Variants in SDE2 observed in about 807,000 individuals in gnomAD.
SDE2 encodes splicing regulator SDE2.
A neutral mutation model predicts 46.9 loss-of-function variants in SDE2; 31 were observed. That is an observed-to-expected ratio of 0.66 (90% CI 0.50 to 0.89). SDE2 has a LOEUF of 0.89. Ranked by LOEUF, SDE2 falls within the 40% of genes least tolerant of loss-of-function variation. The probability of loss-of-function intolerance (pLI) is 0.00; values close to 1 mark genes in which losing one functional copy is unlikely to be tolerated. For synonymous variants in SDE2, 205 were observed against 204.3 expected, an observed-to-expected ratio of 1.00 and a Z score of -0.03; for missense variants, 542 against 564.4, an observed-to-expected ratio of 0.96 and a Z score of 0.40.
Position 225,999,268 on chromosome 1 carries a change from G to A in SDE2, c.45C>T (p.Phe15=). 2 of 1,612,740 alleles carry A rather than the reference G, an allele frequency of 1.2e-6. No individual in the cohort carries two copies. Among genetic ancestry groups the A allele is most frequent in the Non-Finnish European group, 1.7e-6 (2 of 1,179,614 alleles). Residue 15 remains phenylalanine (F), a synonymous_variant, in exon 1 of 7, where the codon TTC becomes TTT. Coordinates refer to ENST00000272091, the MANE Select transcript of SDE2 (RefSeq NM_152608.4). ...AGGCACACCGCACCGCCTTGCACCCGAAGCCAGGGCCGCGAATCCACACCA... is the reference window on the plus strand; with the variant it reads ...AGGCACACCGCACCGCCTTGCACCCAAAGCCAGGGCCGCGAATCCACACCA... The part of the protein sequence containing the change: ...AALVWIRGPG[F]GCKAVRCASG...
intron 5 of SDE2, 105 bp from the exon 6 acceptor site, chr1:225,988,493 G>T: frequency 1.9e-6 from 2 of 1,080,910 alleles, no homozygotes; most frequent in Non-Finnish European, 2.7e-6. Flanking sequence ...GACTTTGGGA[G>T]GCCAAGGCAG....
intron 1 of SDE2, among the ~76,000 whole-genome samples, chr1:225,997,866 C>G (rs1046544272): frequency 1.3e-5 from 2 of 152,138 alleles, no homozygotes; most frequent in Admixed American, 1.3e-4. Context: ...AGGAGTGGCT[C>G]AAGCCTGTAA....
At position 225,984,214 on chromosome 1, in the gene SDE2, T is replaced by A. The variant is rs1307838286; in HGVS notation, c.*1088A>T. 1 of 151,166 alleles carries A rather than the reference T, an allele frequency of 6.6e-6. No homozygotes were observed. The highest frequency in any genetic ancestry group is 1.5e-5 in the Non-Finnish European group (1 of 67,848). The allele number at this position is 151,166 out of a possible 1,614,324, so 9.4% of individuals were successfully genotyped here. ...GTGAGCTGAGATCGTACCATTGCAC[T>A]CTAGCCTGGGCAACAAAAGCGAAAT... On this transcript the variant is annotated 3_prime_UTR_variant, in exon 7 of 7. Coordinates refer to ENST00000272091, the MANE Select transcript of SDE2 (RefSeq NM_152608.4).
intron 2 of SDE2, among the ~76,000 whole-genome samples, chr1:225,994,233 C>T (rs1656469103): frequency 6.6e-6 from 1 of 152,174 alleles, no homozygotes; most frequent in Non-Finnish European, 1.5e-5. Context: ...CCTAACACCA[C>T]ACCTGGCTAA....
chr1:225,988,073 G>A lies in SDE2; in HGVS notation c.957C>T (p.Thr319=), dbSNP rs1334983974. 1 of 1,613,986 alleles carries A rather than the reference G, an allele frequency of 6.2e-7. No individual in the cohort carries two copies. The highest frequency in any genetic ancestry group is 1.7e-5 in the Admixed American group (1 of 60,004). The change falls in exon 6 of 7, where the codon ACC becomes ACT. Residue 319 remains threonine (T), a synonymous_variant. Coordinates refer to ENST00000272091, the MANE Select transcript of SDE2 (RefSeq NM_152608.4). ...ESRMVTETEE[T]QEKKAESKEP... ...CTTTACTCTCTGCCTTCTTCTCCTG[G>A]GTCTCTTCTGTTTCTGTAACCATCC... is the stretch of plus-strand genomic sequence containing the variant.
rs1656163481 is a variant in SDE2, at chr1:225,982,957, C to CT, written c.*2344dup. ...AAATTAAGAATGTATATTGTAATCA[C>CT]TAGAACATCCAACTTAAAAAAATTA... On this transcript the variant is annotated 3_prime_UTR_variant, in exon 7 of 7. Coordinates refer to ENST00000272091, the MANE Select transcript of SDE2 (RefSeq NM_152608.4). 6.6e-6 allele frequency: 1 copy of CT among 151,970 alleles called. No individual in the cohort carries two copies. The highest frequency in any genetic ancestry group is 6.6e-5 in the Admixed American group (1 of 15,260). The allele number at this position is 151,970 out of a possible 1,614,324, so 9.4% of individuals were successfully genotyped here. A position where few individuals can be genotyped will look rare whatever the true frequency, so the allele number is the denominator to read the frequency against.
At chr1:225,998,631 T>C (rs1558086500) in intron 1 of SDE2, among the ~76,000 whole-genome samples, 1 of 152,168 alleles carries the variant, frequency 6.6e-6, no homozygotes, top group Non-Finnish European at 1.5e-5. Flanking sequence ...GACCATCAAA[T>C]TAATAGTGAA....
At chr1:225,997,168 CA>C (rs980468728) in intron 1 of SDE2, among the ~76,000 whole-genome samples, 1 of 152,010 alleles carries the variant, frequency 6.6e-6, no homozygotes, top group African/African-American at 2.4e-5. Flanking sequence ...GAAACAAAAA[CA>C]AAAAACAAAA....
chr1:225,996,939 T>A (rs762951409), intron 1 of SDE2, among the ~76,000 whole-genome samples: 1 of 152,204 alleles, frequency 6.6e-6, no homozygotes, highest in Non-Finnish European at 1.5e-5. Flanking sequence ...CTGACCTGGG[T>A]TGGAAATCAA....
intron 2 of SDE2, among the ~76,000 whole-genome samples, chr1:225,993,677 A>T (rs905990802): frequency 6.6e-6 from 1 of 152,228 alleles, no homozygotes; most frequent in Non-Finnish European, 1.5e-5. Context: ...AAGAACTTAA[A>T]AAGTATATAG....
In SDE2 at chr1:225,987,881, C is replaced by A. The variant is rs377323585; in HGVS notation, c.1134+15G>T. On this transcript the variant is annotated intron_variant, in intron 6 of 6. Coordinates refer to ENST00000272091, the MANE Select transcript of SDE2 (RefSeq NM_152608.4). ...ACTGATTTGGCTCTAGGTATCAACC[C>A]CAAAACATACTTACTGCGTTTCCTG... is the stretch of plus-strand genomic sequence containing the variant. 1 of 1,602,110 alleles carries A rather than the reference C, an allele frequency of 6.2e-7. No individual in the cohort carries two copies. The highest frequency in any genetic ancestry group is 1.3e-5 in the African/African-American group (1 of 74,126).
Position 225,985,499 on chromosome 1 carries a change from A to C in SDE2, c.1159T>G (p.Leu387Val). ...NAVIDKETIDLLAFTSVAELE... is the reference protein window; with the variant it reads ...NAVIDKETIDVLAFTSVAELE... ...TCTGCAACAGAGGTGAACGCCAATA[A>C]ATCTATAGTTTCCTTATCAATAACC... is the stretch of plus-strand genomic sequence containing the variant. Residue 387 changes from leucine to valine, a missense_variant, in exon 7 of 7, where the codon TTA becomes GTA. Around this residue, in one of 3 missense-constraint regions of SDE2, gnomAD observed 401 missense variants for 437.8 expected, o/e 0.92. Coordinates refer to ENST00000272091, the MANE Select transcript of SDE2 (RefSeq NM_152608.4). 4 of 1,612,792 alleles carry C rather than the reference A, an allele frequency of 2.5e-6. No homozygotes were observed. Among genetic ancestry groups the C allele is most frequent in the Non-Finnish European group, 3.4e-6 (4 of 1,178,752 alleles).
At chr1:225,989,310 T>A (rs7530409) in intron 5 of SDE2, among the ~76,000 whole-genome samples, 1,602 of 115,820 alleles carry the variant, frequency 0.014, 30 homozygotes, top group African/African-American at 0.046. Context: ...AAAAAAAAAA[T>A]AATAATAATA....
chr1:225,995,518 T>A (rs1656502739), intron 1 of SDE2, 135 bp from the exon 2 acceptor site: 1 of 522,306 alleles, frequency 1.9e-6, no homozygotes, highest in Non-Finnish European at 3.4e-6. Context: ...GAATTGAAAA[T>A]GTAAACTACT....
chr1:225,989,891 T>C (rs919620696), intron 5 of SDE2, among the ~76,000 whole-genome samples: 4 of 151,776 alleles, frequency 2.6e-5, no homozygotes, highest in African/African-American at 9.7e-5. Flanking sequence ...CTAGGCAACA[T>C]GGCAAAACCC....
rs1576176110 is a variant in SDE2, at chr1:225,992,628, AT to A, written c.351-62del. The A allele has an allele frequency of 2.0e-5, 22 of 1,111,262 alleles. No individual in the cohort carries two copies. In the East Asian group the frequency reaches 5.4e-4, roughly 27 times the overall value. The allele number at this position is 1,111,262 out of a possible 1,614,324, so 68.8% of individuals were successfully genotyped here. ...ATATATTACATATACACTTTTATAT[AT>A]AAAATGTCTCTGACGAATTAATGCA... On this transcript the variant is annotated intron_variant, in intron 3 of 6. Coordinates refer to ENST00000272091, the MANE Select transcript of SDE2 (RefSeq NM_152608.4).
At position 225,988,137 on chromosome 1, in the gene SDE2, CAT is replaced by C. The variant is rs1466891427; in HGVS notation, c.891_892del (p.Ala299Ter). ...CTCTTTGGACTCCCCCAGCTCAGCA[CAT>C]GAGTCTTCTAAAATATGCCTCCCAG... On this transcript the variant is annotated frameshift_variant, in exon 6 of 7. Coordinates refer to ENST00000272091, the MANE Select transcript of SDE2 (RefSeq NM_152608.4). LOFTEE classifies it high-confidence loss of function. 4.1e-5 allele frequency: 66 copies of C among 1,614,112 alleles called. No homozygotes were observed. Among genetic ancestry groups the C allele is most frequent in the Non-Finnish European group, 5.3e-5 (62 of 1,180,046 alleles).
At position 225,995,268 on chromosome 1, in the gene SDE2, C is replaced by T; in HGVS notation, c.236G>A (p.Gly79Glu). Residue 79 changes from glycine (G) to glutamate (E), a missense_variant and splice_region_variant, in exon 2 of 7, where the codon GGA becomes GAA. By Grantham distance (98) the Gly-to-Glu change is moderately conservative. Around this residue, in one of 3 missense-constraint regions of SDE2, gnomAD observed 135 missense variants for 106.5 expected, o/e 1.27. Coordinates refer to ENST00000272091, the MANE Select transcript of SDE2 (RefSeq NM_152608.4). ...AGTAGTCAATGTTCAGGTCCTACCT[C>T]CTTTTCCACCGCAAAGTCTGGGTTC... ...SLEPRLCGGK[G>E]GFGSMLRALG... 2 of 1,551,452 alleles carry T rather than the reference C, an allele frequency of 1.3e-6. No homozygotes were observed. Among genetic ancestry groups the T allele is most frequent in the Non-Finnish European group, 8.9e-7 (1 of 1,124,108 alleles).
At position 225,984,482 on chromosome 1, in the gene SDE2, T is replaced by G. The variant is rs1576172233; in HGVS notation, c.*820A>C. 6.6e-6 allele frequency: 1 copy of G among 151,718 alleles called. No individual in the cohort carries two copies. Among genetic ancestry groups the G allele is most frequent in the East Asian group, 1.9e-4 (1 of 5,140 alleles). The allele number at this position is 151,718 out of a possible 1,614,324, so 9.4% of individuals were successfully genotyped here. On this transcript the variant is annotated 3_prime_UTR_variant, in exon 7 of 7. Transcript: ENST00000272091. ...TAACAGAAATTAATTATATAAACAA[T>G]TGAGAAAAATAAAACCAAAGGTTGG...
Sources: allele counts gnomAD v4.1 joint callset (sites outside exome capture counted in the v4.1 genomes callset), GRCh38; gene constraint gnomAD v4.1.1; regional missense constraint gnomAD v4.1.1; transcripts MANE v1.5; gene names NCBI Gene and HGNC (gene_info 2026-07-23, HGNC 2026-07-21).